The following PHF21A variants were observed in gnomAD, a reference collection of about 807,000 sequenced individuals.
The protein encoded by PHF21A is BHC80a.
A neutral mutation model predicts 82.5 loss-of-function variants in PHF21A; 11 were observed. The observed-to-expected ratio is 0.13, with a 90% CI of 0.08 to 0.22. The LOEUF (loss-of-function observed/expected upper bound fraction) is 0.22, where lower values mean the gene tolerates loss of function less well. Among genes scored for constraint, PHF21A ranks in the 10% least tolerant of loss-of-function variants. The pLI is 1.00. For synonymous variants in PHF21A, 297 were observed against 302.8 expected (o/e 0.98, Z 0.20); for missense variants, 579 against 837.8 (o/e 0.69, Z 3.81).
chr11:46,029,869 TAGA>T (rs1461695060), intron 6 of PHF21A, among the ~76,000 whole-genome samples: 15 of 152,206 alleles, frequency 9.9e-5, no homozygotes, highest in Admixed American at 9.8e-4. Flanking sequence ...AACAAAGGCA[TAGA>T]AGAAGATAAG....
At chr11:45,993,758 C>A (rs79858640) in intron 6 of PHF21A, among the ~76,000 whole-genome samples, 1 of 151,434 alleles carries the variant, frequency 6.6e-6, no homozygotes, top group Non-Finnish European at 1.5e-5. Flanking sequence ...GTAACCTACA[C>A]AATAAATTGA....
chr11:46,048,951 G>A (rs921691986), intron 6 of PHF21A, among the ~76,000 whole-genome samples: 4 of 152,108 alleles, frequency 2.6e-5, no homozygotes, highest in Non-Finnish European at 5.9e-5. Context: ...CACCAGCAAT[G>A]TCTGAGGAAT....
chr11:46,025,986 C>T (rs1489152989), intron 6 of PHF21A, among the ~76,000 whole-genome samples: 1 of 152,166 alleles, frequency 6.6e-6, no homozygotes, highest in East Asian at 1.9e-4. Flanking sequence ...TATCTCCAGA[C>T]TTTATGCAGA....
At chr11:45,939,416 G>A (rs1226498137) in intron 15 of PHF21A, among the ~76,000 whole-genome samples, 2 of 152,160 alleles carry the variant, frequency 1.3e-5, no homozygotes, top group Non-Finnish European at 2.9e-5. Flanking sequence ...AAAAAATACA[G>A]TGAAAGTTCA....
At chr11:46,012,067 T>C (rs1216019576) in intron 6 of PHF21A, among the ~76,000 whole-genome samples, 4 of 152,176 alleles carry the variant, frequency 2.6e-5, no homozygotes, top group Non-Finnish European at 5.9e-5. Context: ...TTTTCCTTTT[T>C]ACCTTCATAA....
At chr11:46,107,262 A>T (rs1286396013) in intron 1 of PHF21A, among the ~76,000 whole-genome samples, 1 of 152,226 alleles carries the variant, frequency 6.6e-6, no homozygotes, top group Non-Finnish European at 1.5e-5. Context: ...GGTCAAGATG[A>T]CTGAGTCTAG....
chr11:46,028,809 T>C (rs987986703), intron 6 of PHF21A, among the ~76,000 whole-genome samples: 1 of 152,188 alleles, frequency 6.6e-6, no homozygotes, highest in Non-Finnish European at 1.5e-5. Flanking sequence ...CCTGACCTCA[T>C]CGTCCACTCG....
At chr11:46,015,895 C>CATCTATCTATCTATCTATCT (rs35580116) in intron 6 of PHF21A, among the ~76,000 whole-genome samples, 1 of 149,482 alleles carries the variant, frequency 6.7e-6, no homozygotes, top group Non-Finnish European at 1.5e-5. Context: ...GTTTTACAGT[C>CATCTATCTATCTATCTATCT]ATCTATCTAT....
intron 6 of PHF21A, among the ~76,000 whole-genome samples, chr11:46,044,394 C>T (rs957528054): frequency 2.6e-5 from 4 of 152,100 alleles, no homozygotes; most frequent in African/African-American, 9.7e-5. Flanking sequence ...AAACTTACAA[C>T]AGAAATTCCC....
At chr11:46,115,244 G>A (rs1406626849) in intron 1 of PHF21A, among the ~76,000 whole-genome samples, 2 of 152,098 alleles carry the variant, frequency 1.3e-5, no homozygotes, top group Non-Finnish European at 2.9e-5. Context: ...CCAAAGGATG[G>A]CTGAACCTCA....
chr11:45,995,464 C>T (rs1164711922), intron 6 of PHF21A, among the ~76,000 whole-genome samples: 1 of 152,090 alleles, frequency 6.6e-6, no homozygotes, highest in African/African-American at 2.4e-5. Context: ...GTTATACTGT[C>T]ATAATTTTAG....
rs898692695 is a variant in PHF21A, at chr11:45,932,691, C to A, written c.*1277G>T. The A allele has an allele frequency of 6.6e-6, 1 of 152,548 alleles. No individual in the cohort carries two copies. The highest frequency in any genetic ancestry group is 6.5e-5 in the Admixed American group (1 of 15,270). The allele number at this position is 152,548 out of a possible 1,614,324, so 9.4% of individuals were successfully genotyped here. On this transcript the variant is annotated 3_prime_UTR_variant, in exon 19 of 19. Coordinates refer to ENST00000676320, the MANE Select transcript of PHF21A (RefSeq NM_001352027.3). This position sits in a 1 kb window ranked among gnomAD's most constrained non-coding sequence, Gnocchi z 4.3. ...AGTAACACTAGGAAGACCTCAATAT[C>A]TTTTATTTTCCTTTTTAATTTAAAA...
intron 6 of PHF21A, among the ~76,000 whole-genome samples, chr11:45,993,555 G>A (rs2946009): frequency 0.12 from 18,247 of 151,598 alleles, 1,309 homozygotes; most frequent in African/African-American, 0.21. Context: ...AAAAGCTGGA[G>A]CTCATTTTTC....
rs371302419 is a variant in PHF21A, at chr11:45,971,279, A to G, written c.449T>C (p.Val150Ala). Reference sequence around the variant, plus strand: ...CATAGCAATGGTAGGTCTCTGGCCCACCACAGAGGCAGGCATGGTCGCAGT... The same window carrying G: ...CATAGCAATGGTAGGTCTCTGGCCCGCCACAGAGGCAGGCATGGTCGCAGT... ...AATATMPASV[V>A]GQRPTIAMVT... Residue 150 changes from valine to alanine, a missense_variant, in exon 8 of 19, where the codon GTG becomes GCG. Val to Ala is a moderately conservative substitution (Grantham distance 64). Around this residue, in one of 3 missense-constraint regions of PHF21A, gnomAD observed 410 missense variants for 642.1 expected, o/e 0.64. Transcript: ENST00000676320. 1 of 1,614,190 alleles carries G rather than the reference A, an allele frequency of 6.2e-7. No individual in the cohort carries two copies. Among genetic ancestry groups the G allele is most frequent in the Non-Finnish European group, 8.5e-7 (1 of 1,180,020 alleles).
chr11:45,943,191 T>C (rs1473368581), intron 15 of PHF21A, among the ~76,000 whole-genome samples: 2 of 143,704 alleles, frequency 1.4e-5, no homozygotes, highest in Admixed American at 1.5e-4. Flanking sequence ...GGCGCAATCA[T>C]GGCTCACTGC....
chr11:46,047,376 T>C (rs1337048440), intron 6 of PHF21A, among the ~76,000 whole-genome samples: 1 of 152,236 alleles, frequency 6.6e-6, no homozygotes, highest in Non-Finnish European at 1.5e-5. Context: ...GAAGCATTTT[T>C]ATAGGCTGGT....
At chr11:46,064,017 G>A (rs765935005) in intron 6 of PHF21A, among the ~76,000 whole-genome samples, 11 of 152,068 alleles carry the variant, frequency 7.2e-5, no homozygotes, top group African/African-American at 1.2e-4. Context: ...AAGTTCTGTC[G>A]ATTAACACCC....
intron 9 of PHF21A, among the ~76,000 whole-genome samples, chr11:45,968,118 T>C (rs138334566): frequency 6.6e-6 from 1 of 152,344 alleles, no homozygotes; most frequent in East Asian, 1.9e-4. Context: ...CCTAGCATAG[T>C]ACCTAGTATG....
At chr11:45,976,734 C>T (rs989916487) in intron 7 of PHF21A, among the ~76,000 whole-genome samples, 12 of 152,146 alleles carry the variant, frequency 7.9e-5, no homozygotes, top group East Asian at 7.7e-4. Flanking sequence ...CCCAGCTACC[C>T]GGGAGGCTGA....
Sources: gnomAD v4.1 joint callset for allele counts (sites outside exome capture counted in the v4.1 genomes callset) on GRCh38, gnomAD v4.1.1 for gene constraint, gnomAD v4.1.1 regional missense constraint, Gnocchi (gnomAD v3.1) non-coding constraint, MANE v1.5 for transcripts, NCBI Gene and HGNC (gene_info 2026-07-23, HGNC 2026-07-21) for gene names.